TTC29: variants seen among roughly 807,000 people sequenced by gnomAD.
The protein encoded by TTC29 is tetratricopeptide repeat protein 29.
Under a neutral mutation model 58.1 loss-of-function variants are expected in TTC29, and 49 were observed. The observed-to-expected ratio is 0.84, with a 90% CI of 0.67 to 1.07. The LOEUF is 1.07. Among genes scored for constraint, TTC29 ranks in the 50% least tolerant of loss-of-function variants. The pLI, the probability that TTC29 is intolerant of heterozygous loss-of-function variation, is 0.00. For missense variants in TTC29, 582 were observed against 555.6 expected (o/e 1.05, Z -0.48); for synonymous variants, 209 against 196.8 (o/e 1.06, Z -0.52).
intron 8 of TTC29, among the ~76,000 whole-genome samples, chr4:146,863,823 G>A (rs1433133723): frequency 1.3e-5 from 2 of 152,086 alleles, no homozygotes; most frequent in Non-Finnish European, 2.9e-5. Flanking sequence ...GTGGAAGATC[G>A]ATGTCTCTGC....
chr4:146,878,217 C>T (rs940981410), intron 6 of TTC29, among the ~76,000 whole-genome samples: 9 of 152,104 alleles, frequency 5.9e-5, no homozygotes, highest in Non-Finnish European at 1.3e-4. Context: ...GTTGGATTTG[C>T]TTTTTGCTAG....
intron 11 of TTC29, among the ~76,000 whole-genome samples, chr4:146,801,157 A>G (rs1293045641): frequency 3.3e-5 from 5 of 152,232 alleles, no homozygotes; most frequent in Non-Finnish European, 4.4e-5. Flanking sequence ...ATGAACAGGC[A>G]GTGGGGAGCC....
chr4:146,781,277 A>C (rs1019218211), intron 11 of TTC29, among the ~76,000 whole-genome samples: 1 of 151,940 alleles, frequency 6.6e-6, no homozygotes, highest in Non-Finnish European at 1.5e-5. Context: ...ATATTTCCCA[A>C]TCAAAAGATA....
intron 11 of TTC29, among the ~76,000 whole-genome samples, chr4:146,802,201 A>T (rs1750280805): frequency 1.3e-5 from 2 of 152,124 alleles, no homozygotes; most frequent in African/African-American, 4.8e-5. Context: ...GTAATCTAAT[A>T]TAGGTCATGT....
At chr4:146,902,570 T>C (rs1733224174) in intron 6 of TTC29, among the ~76,000 whole-genome samples, 1 of 152,200 alleles carries the variant, frequency 6.6e-6, no homozygotes, top group Non-Finnish European at 1.5e-5. Flanking sequence ...TCACAGAATA[T>C]ATTCCTATTT....
intron 2 of TTC29, chr4:146,942,738 G>A: frequency 2.2e-6 from 2 of 916,956 alleles, no homozygotes; most frequent in Non-Finnish European, 1.6e-6. Flanking sequence ...CTCATTTGGG[G>A]CATTCCATCC....
chr4:146,813,354 T>C (rs1751155442), intron 10 of TTC29, among the ~76,000 whole-genome samples: 1 of 152,222 alleles, frequency 6.6e-6, no homozygotes, highest in African/African-American at 2.4e-5. Flanking sequence ...CACTTTACAC[T>C]AGTTATATAT....
At chr4:146,815,500 T>C (rs1365531900) in intron 10 of TTC29, among the ~76,000 whole-genome samples, 2 of 152,076 alleles carry the variant, frequency 1.3e-5, no homozygotes, top group Non-Finnish European at 2.9e-5. Context: ...CTTTGCAAAG[T>C]TTGGAGTCCC....
intron 5 of TTC29, among the ~76,000 whole-genome samples, chr4:146,904,321 G>C (rs1733376232): frequency 6.6e-6 from 1 of 152,152 alleles, no homozygotes; most frequent in Non-Finnish European, 1.5e-5. Flanking sequence ...GCAATGTTAA[G>C]AAAGAGTAGA....
chr4:146,907,420 T>G (rs1419295984), intron 5 of TTC29, among the ~76,000 whole-genome samples: 1 of 152,184 alleles, frequency 6.6e-6, no homozygotes, highest in Non-Finnish European at 1.5e-5. Context: ...TGAGCAAATA[T>G]TATCTTAGTT....
chr4:146,827,697 A>G (rs1459892436), intron 9 of TTC29, among the ~76,000 whole-genome samples: 1 of 152,172 alleles, frequency 6.6e-6, no homozygotes, highest in Non-Finnish European at 1.5e-5. Flanking sequence ...AAAATTGTGT[A>G]AATGTATAGC....
At chr4:146,794,512 C>G (rs923814521) in intron 11 of TTC29, among the ~76,000 whole-genome samples, 3 of 152,034 alleles carry the variant, frequency 2.0e-5, no homozygotes, top group African/African-American at 7.2e-5. Context: ...ATATTAATCT[C>G]AAAGTTTTAA....
intron 8 of TTC29, among the ~76,000 whole-genome samples, chr4:146,851,091 A>C (rs1729488406): frequency 6.6e-6 from 1 of 152,224 alleles, no homozygotes; most frequent in African/African-American, 2.4e-5. Flanking sequence ...GGCAGCATGA[A>C]TAGCATAATC....
chr4:146,785,784 A>C (rs1748962650), intron 11 of TTC29, among the ~76,000 whole-genome samples: 1 of 152,136 alleles, frequency 6.6e-6, no homozygotes, highest in African/African-American at 2.4e-5. Flanking sequence ...CATTTCTATT[A>C]ACATTTCTGT....
At chr4:146,836,454 G>A (rs369723297) in intron 8 of TTC29, among the ~76,000 whole-genome samples, 11 of 152,248 alleles carry the variant, frequency 7.2e-5, no homozygotes, top group African/African-American at 2.2e-4. Context: ...TCAGGAACAT[G>A]AGCTGCAGTG....
chr4:146,908,774 G>A (rs1394546098), intron 5 of TTC29, among the ~76,000 whole-genome samples: 5 of 152,202 alleles, frequency 3.3e-5, no homozygotes, highest in African/African-American at 4.8e-5. Context: ...GGGAAGTTCT[G>A]GAGATATTAT....
intron 8 of TTC29, among the ~76,000 whole-genome samples, chr4:146,848,608 G>A (rs1371752070): frequency 3.3e-5 from 5 of 152,196 alleles, no homozygotes; most frequent in Non-Finnish European, 2.9e-5. Flanking sequence ...ACTGCTGCTA[G>A]CATTCTTATA....
chr4:146,836,834 C>CA (rs1287853409), intron 8 of TTC29, among the ~76,000 whole-genome samples: 1 of 151,832 alleles, frequency 6.6e-6, no homozygotes, highest in Admixed American at 6.6e-5. Context: ...TTATCAAAGT[C>CA]AAAAAACAAC....
intron 4 of TTC29, among the ~76,000 whole-genome samples, chr4:146,931,354 CA>C: frequency 6.6e-6 from 1 of 152,084 alleles, no homozygotes; most frequent in Admixed American, 6.5e-5. Flanking sequence ...TAAGTTAATG[CA>C]AAATATTTAG....
Sources: gnomAD v4.1 joint callset for allele counts (sites outside exome capture counted in the v4.1 genomes callset) on GRCh38, gnomAD v4.1.1 for gene constraint, MANE v1.5 for transcripts, NCBI Gene and HGNC (gene_info 2026-07-23, HGNC 2026-07-21) for gene names.